The following BICC1 variants were observed in gnomAD, a reference collection of about 807,000 sequenced individuals.
BICC1 encodes BicC family RNA binding protein 1.
A neutral mutation model predicts 111.0 loss-of-function variants in BICC1; 43 were observed. The observed-to-expected ratio is 0.39, with a 90% CI of 0.30 to 0.50. The LOEUF (loss-of-function observed/expected upper bound fraction) is 0.50, where lower values mean the gene tolerates loss of function less well. Ranked by LOEUF, BICC1 falls within the 20% of genes least tolerant of loss-of-function variation. The pLI is 0.88. For synonymous variants in BICC1, 467 were observed against 434.4 expected (o/e 1.07, Z -0.93); for missense variants, 1,091 against 1,203.2 (o/e 0.91, Z 1.38).
intron 1 of BICC1, among the ~76,000 whole-genome samples, chr10:58,616,011 C>G (rs1044550740): frequency 6.6e-5 from 10 of 152,152 alleles, no homozygotes; most frequent in African/African-American, 1.9e-4. Flanking sequence ...CAGGTGCAGG[C>G]TGGGTGCCTG....
intron 1 of BICC1, among the ~76,000 whole-genome samples, chr10:58,598,707 A>G (rs1844919273): frequency 6.6e-6 from 1 of 152,214 alleles, no homozygotes; most frequent in African/African-American, 2.4e-5. Context: ...AACTATCATC[A>G]GAGTGAACAG....
intron 2 of BICC1, among the ~76,000 whole-genome samples, chr10:58,629,443 C>T (rs1016758871): frequency 2.6e-5 from 4 of 151,968 alleles, no homozygotes; most frequent in African/African-American, 9.7e-5. Context: ...TTATCATGCC[C>T]ACATTAATGG....
chr10:58,764,844 G>A (rs1418176548), intron 3 of BICC1, among the ~76,000 whole-genome samples: 1 of 152,050 alleles, frequency 6.6e-6, no homozygotes, highest in Non-Finnish European at 1.5e-5. Context: ...GCATGTCTGG[G>A]AATAATCAAC....
At chr10:58,809,103 A>G (rs1291313143) in intron 17 of BICC1, among the ~76,000 whole-genome samples, 1 of 152,070 alleles carries the variant, frequency 6.6e-6, no homozygotes, top group African/African-American at 2.4e-5. Context: ...CCTCACTGCA[A>G]CCTGTGCCTC....
At chr10:58,598,492 A>G (rs1844909317) in intron 1 of BICC1, among the ~76,000 whole-genome samples, 1 of 152,144 alleles carries the variant, frequency 6.6e-6, no homozygotes, top group Non-Finnish European at 1.5e-5. Flanking sequence ...CTTTACACCT[A>G]TACAAAAATC....
intron 1 of BICC1, among the ~76,000 whole-genome samples, chr10:58,589,706 T>A (rs1163468839): frequency 6.6e-6 from 1 of 152,086 alleles, no homozygotes; most frequent in Non-Finnish European, 1.5e-5. Flanking sequence ...GAACTCCTGG[T>A]CTCAAGTGAT....
intron 18 of BICC1, among the ~76,000 whole-genome samples, chr10:58,816,965 C>T (rs1456828140): frequency 1.3e-5 from 2 of 151,986 alleles, no homozygotes; most frequent in African/African-American, 4.8e-5. Flanking sequence ...TATTTTTGTC[C>T]TAAATTAAAT....
At chr10:58,801,473 G>A (rs542899877) in intron 14 of BICC1, among the ~76,000 whole-genome samples, 4 of 152,178 alleles carry the variant, frequency 2.6e-5, no homozygotes, top group Admixed American at 2.6e-4. Flanking sequence ...TTAAATAAAT[G>A]CTTGACATTA....
At chr10:58,688,170 A>G (rs1442465410) in intron 2 of BICC1, among the ~76,000 whole-genome samples, 1 of 151,998 alleles carries the variant, frequency 6.6e-6, no homozygotes, top group Admixed American at 6.6e-5. Flanking sequence ...GAGTGAAGGA[A>G]CAAAGCTTCC....
intron 1 of BICC1, among the ~76,000 whole-genome samples, chr10:58,547,085 C>T (rs950887763): frequency 6.6e-6 from 1 of 152,128 alleles, no homozygotes; most frequent in African/African-American, 2.4e-5. Context: ...ATACGCCAAA[C>T]CCAGTTTCCC....
At chr10:58,807,519 G>A (rs895541435) in intron 17 of BICC1, among the ~76,000 whole-genome samples, 2 of 152,174 alleles carry the variant, frequency 1.3e-5, no homozygotes, top group African/African-American at 4.8e-5. Context: ...GGTTTCACTA[G>A]CAAGGTCACG....
intron 1 of BICC1, among the ~76,000 whole-genome samples, chr10:58,598,838 CA>C (rs1844925383): frequency 6.6e-6 from 1 of 152,054 alleles, no homozygotes; most frequent in South Asian, 2.1e-4. Context: ...AAAAAATGGG[CA>C]AAAGATATGA....
rs547640145 is a variant in BICC1 at position 58,554,885 on chromosome 10, T to C, written c.190+41552T>C. ...TATATATACCTCCTTTTCTATTTTA[T>C]ATATTAATATTTTACTATTTTATTT... is the stretch of plus-strand genomic sequence containing the variant. On this transcript the variant is annotated intron_variant, in intron 1 of 20. Coordinates refer to ENST00000373886, the MANE Select transcript of BICC1 (RefSeq NM_001080512.3). Among the ~76,000 whole-genome samples, 4 of 151,744 alleles carry C rather than the reference T, an allele frequency of 2.6e-5. No homozygotes were observed. The East Asian group carries it at 7.7e-4, about 29-fold the overall frequency.
At chr10:58,572,941 T>A (rs1649035) in intron 1 of BICC1, among the ~76,000 whole-genome samples, 69,877 of 152,000 alleles carry the variant, frequency 0.46, 17,081 homozygotes, top group Admixed American at 0.62. Flanking sequence ...TATTATGTTG[T>A]TATGTGATAT....
At chr10:58,588,463 T>C (rs1407995701) in intron 1 of BICC1, among the ~76,000 whole-genome samples, 1 of 152,222 alleles carries the variant, frequency 6.6e-6, no homozygotes, top group African/African-American at 2.4e-5. Flanking sequence ...AGGTTGAAAC[T>C]GTGTTAGAGC....
chr10:58,829,879 G>A lies in BICC1; in HGVS notation c.*988G>A, dbSNP rs999499998. The A allele has an allele frequency of 6.6e-6, 1 of 152,130 alleles. No individual in the cohort carries two copies. Among genetic ancestry groups the A allele is most frequent in the African/African-American group, 2.4e-5 (1 of 41,420 alleles). The allele number at this position is 152,130 out of a possible 1,614,324, so 9.4% of individuals were successfully genotyped here. A position where few individuals can be genotyped will look rare whatever the true frequency, so the allele number is the denominator to read the frequency against. On this transcript the variant is annotated 3_prime_UTR_variant, in exon 21 of 21. Transcript: ENST00000373886. ...AATTGATATTTACTAGAGATTTATGGTAGAGAATGGACGACATTCAATAAC... is the reference window on the plus strand; with the variant it reads ...AATTGATATTTACTAGAGATTTATGATAGAGAATGGACGACATTCAATAAC...
rs532117202 is a variant in BICC1 at position 58,615,373 on chromosome 10, A to G, written c.191-5482A>G. Among the ~76,000 whole-genome samples, 362 of 152,320 alleles carry G rather than the reference A, an allele frequency of 2.4e-3. 2 individuals carry two copies. Among genetic ancestry groups the G allele is most frequent in the Non-Finnish European group, 4.1e-3 (277 of 68,032 alleles). ...CAAGAATACGTCGAGGCAGACATCC[A>G]GTTCAGCATGACCCAGCGAGTTTGG... On this transcript the variant is annotated intron_variant, in intron 1 of 20. Transcript: ENST00000373886.
At chr10:58,531,786 G>GA (rs1376394519) in intron 1 of BICC1, among the ~76,000 whole-genome samples, 12 of 149,896 alleles carry the variant, frequency 8.0e-5, no homozygotes, top group South Asian at 2.1e-4. Context: ...TAACTGATTT[G>GA]AAAAAAAAAA....
chr10:58,760,517 G>GT (rs1842282772), intron 3 of BICC1, among the ~76,000 whole-genome samples: 1 of 152,064 alleles, frequency 6.6e-6, no homozygotes, highest in Admixed American at 6.5e-5. Flanking sequence ...GCCAAAAAAT[G>GT]TTTTTTGTAA....
Sources: gnomAD v4.1 joint callset for allele counts (sites outside exome capture counted in the v4.1 genomes callset) on GRCh38, gnomAD v4.1.1 for gene constraint, MANE v1.5 for transcripts, NCBI Gene and HGNC (gene_info 2026-07-23, HGNC 2026-07-21) for gene names.